Variants in MAPK10 observed in about 807,000 individuals in gnomAD.
MAPK10 encodes the protein JNK3 alpha protein kinase.
In MAPK10, 25 loss-of-function variants were observed where a neutral mutation model predicts 59.3. The observed-to-expected ratio is 0.42, with a 90% confidence interval of 0.31 to 0.59. MAPK10 has a LOEUF of 0.59. Among genes scored for constraint, MAPK10 ranks in the 20% least tolerant of loss-of-function variants. The pLI, the probability that MAPK10 is intolerant of heterozygous loss-of-function variation, is 0.15. For synonymous variants in MAPK10, 190 were observed against 200.5 expected (o/e 0.95, Z 0.44); for missense variants, 351 against 568.9 (o/e 0.62, Z 3.90).
chr4:86,265,906 C>T (rs1421839963), intron 2 of MAPK10, among the ~76,000 whole-genome samples: 1 of 152,094 alleles, frequency 6.6e-6, no homozygotes, highest in African/African-American at 2.4e-5. Context: ...GAATCCTAGG[C>T]CTGCTCTGAC....
At chr4:86,034,773 G>A (rs1197125246) in intron 11 of MAPK10, among the ~76,000 whole-genome samples, 1 of 152,106 alleles carries the variant, frequency 6.6e-6, no homozygotes, top group African/African-American at 2.4e-5. Flanking sequence ...CTGGAGTAAA[G>A]TGATGCTTAT....
At chr4:86,190,105 T>A (rs2079309487) in intron 3 of MAPK10, among the ~76,000 whole-genome samples, 2 of 152,276 alleles carry the variant, frequency 1.3e-5, no homozygotes, top group African/African-American at 4.8e-5. Context: ...GCCAACTTGG[T>A]CAAGGTAGAT....
intron 1 of MAPK10, chr4:86,357,770 C>G (rs1735257983): frequency 6.6e-6 from 1 of 152,200 alleles, no homozygotes; most frequent in Non-Finnish European, 1.5e-5. Context: ...CTGGAGGCAG[C>G]TGATTTTCCC....
intron 6 of MAPK10, chr4:86,102,374 A>G (rs913507970): frequency 4.3e-5 from 9 of 210,156 alleles, no homozygotes; most frequent in Non-Finnish European, 7.7e-5. Flanking sequence ...ATTAAATTCA[A>G]TGTATCTGTA....
intron 1 of MAPK10, among the ~76,000 whole-genome samples, chr4:86,562,132 G>C (rs1169502899): frequency 6.6e-6 from 1 of 152,182 alleles, no homozygotes; most frequent in Non-Finnish European, 1.5e-5. Context: ...AAGGCGGGAG[G>C]ATCCCTTGGG....
chr4:86,483,144 G>C (rs1428440676), intron 1 of MAPK10, among the ~76,000 whole-genome samples: 1 of 152,220 alleles, frequency 6.6e-6, no homozygotes, highest in Admixed American at 6.5e-5. Flanking sequence ...TTTGTCAAAA[G>C]AGAAGATGTC....
chr4:86,209,046 C>T (rs1179087197), intron 2 of MAPK10, among the ~76,000 whole-genome samples: 1 of 151,962 alleles, frequency 6.6e-6, no homozygotes, highest in Non-Finnish European at 1.5e-5. Context: ...GGTATGTGAA[C>T]TAAACAAATC....
At position 86,188,799 on chromosome 4, in the gene MAPK10, T is replaced by C. The variant is rs962852131; in HGVS notation, c.66+5537A>G. 2.6e-5 allele frequency among the ~76,000 whole-genome samples: 4 copies of C among 152,360 alleles called. No individual in the cohort carries two copies. In the East Asian group the frequency reaches 7.7e-4, roughly 29 times the overall value. On this transcript the variant is annotated intron_variant, in intron 3 of 13. Coordinates refer to ENST00000641462, the MANE Select transcript of MAPK10 (RefSeq NM_138982.4). ...TTTGTTGCCATTGCTTTTGGTGTTT[T>C]AGTCATGAAGTCTTTGCCCATGCCT...
chr4:86,583,187 CT>C (rs199665755), intron 1 of MAPK10, among the ~76,000 whole-genome samples: 28 of 151,110 alleles, frequency 1.9e-4, no homozygotes, highest in Non-Finnish European at 3.7e-4. Flanking sequence ...ATTTTCTTTT[CT>C]TTTTTTTTGT....
intron 1 of MAPK10, among the ~76,000 whole-genome samples, chr4:86,541,994 T>TG (rs1758739914): frequency 7.1e-6 from 1 of 139,946 alleles, no homozygotes; most frequent in Non-Finnish European, 1.6e-5. Flanking sequence ...CACACACAGG[T>TG]GGGGAAAAAG....
chr4:86,438,068 G>A (rs1748975903), intron 1 of MAPK10, among the ~76,000 whole-genome samples: 1 of 152,108 alleles, frequency 6.6e-6, no homozygotes, highest in African/African-American at 2.4e-5. Context: ...AGGAATTCAG[G>A]GCATTGGTTA....
At chr4:86,051,134 T>A (rs2043439644) in intron 11 of MAPK10, among the ~76,000 whole-genome samples, 1 of 152,164 alleles carries the variant, frequency 6.6e-6, no homozygotes, top group African/African-American at 2.4e-5. Context: ...CAAACAACCC[T>A]CTGAGTCTCA....
At chr4:86,236,337 A>T (rs1318995171) in intron 2 of MAPK10, among the ~76,000 whole-genome samples, 1 of 152,210 alleles carries the variant, frequency 6.6e-6, no homozygotes, top group Non-Finnish European at 1.5e-5. Flanking sequence ...GAGGGTGAGG[A>T]AGACATTATT....
chr4:86,038,554 A>AT (rs3836594), intron 11 of MAPK10, among the ~76,000 whole-genome samples: 18 of 151,162 alleles, frequency 1.2e-4, no homozygotes, highest in South Asian at 2.1e-4. Flanking sequence ...GAGTTTTCTA[A>AT]TTTTTTTTTT....
At chr4:86,311,489 G>C (rs2095668432) in intron 2 of MAPK10, among the ~76,000 whole-genome samples, 1 of 152,066 alleles carries the variant, frequency 6.6e-6, no homozygotes, top group South Asian at 2.1e-4. Flanking sequence ...ATTTTGTGGA[G>C]AGCAAATGAG....
At chr4:86,537,701 A>G (rs1448977021) in intron 1 of MAPK10, among the ~76,000 whole-genome samples, 1 of 152,078 alleles carries the variant, frequency 6.6e-6, no homozygotes, top group Non-Finnish European at 1.5e-5. Flanking sequence ...GCTTTTTGAG[A>G]TTCTTTACCT....
At chr4:86,090,993 A>C (rs1474037238) in intron 9 of MAPK10, 1 of 152,056 alleles carries the variant, frequency 6.6e-6, no homozygotes, top group Non-Finnish European at 1.5e-5. Context: ...CTTTCCAACT[A>C]TGTGACCTTG....
At chr4:86,264,213 A>G (rs1274957225) in intron 2 of MAPK10, among the ~76,000 whole-genome samples, 1 of 152,242 alleles carries the variant, frequency 6.6e-6, no homozygotes, top group Non-Finnish European at 1.5e-5. Flanking sequence ...AATGCAACAT[A>G]CTATGACAGC....
At chr4:86,024,574 T>C (rs1749209308) in intron 13 of MAPK10, 1 of 152,256 alleles carries the variant, frequency 6.6e-6, no homozygotes, top group African/African-American at 2.4e-5. Context: ...ATTTCTCCTG[T>C]CTTCCACAAT....
Sources: gnomAD v4.1 joint callset for allele counts (sites outside exome capture counted in the v4.1 genomes callset) on GRCh38, gnomAD v4.1.1 for gene constraint, MANE v1.5 for transcripts, NCBI Gene and HGNC (gene_info 2026-07-23, HGNC 2026-07-21) for gene names.